The following RNF183 variants were observed in gnomAD, a reference collection of about 807,000 sequenced individuals.
The protein encoded by RNF183 is ring finger protein 183.
Under a neutral mutation model 9.0 loss-of-function variants are expected in RNF183, and 4 were observed. The ratio of observed to expected loss-of-function variants is 0.44; its 90% CI spans 0.22 to 1.01. The LOEUF is 1.01. RNF183 is among the 50% of genes least tolerant of loss of function. The pLI is 0.25. For missense variants in RNF183, 227 were observed against 253.6 expected (o/e 0.89, Z 0.71); for synonymous variants, 102 against 107.5 (o/e 0.95, Z 0.32).
At position 113,298,425 on chromosome 9, in the gene RNF183, G is replaced by A. The variant is rs746652076; in HGVS notation, c.-37-204C>T. 2 of 550,216 alleles carry A rather than the reference G, an allele frequency of 3.6e-6. No individual in the cohort carries two copies. The highest frequency in any genetic ancestry group is 3.2e-6 in the Non-Finnish European group (1 of 310,160). 34.1% of individuals were successfully genotyped at this position (550,216 alleles called of 1,614,324 possible). Reference sequence around the variant, plus strand: ...CAGCCTCCCCTCTGTCAAGGTGAAGGCCTGGGCCACCCCTACCAAGAGCCC... The same window carrying A: ...CAGCCTCCCCTCTGTCAAGGTGAAGACCTGGGCCACCCCTACCAAGAGCCC... On this transcript the variant is annotated intron_variant, in intron 4 of 4. Coordinates refer to ENST00000489339, the MANE Select transcript of RNF183 (RefSeq NM_001371237.1). The surrounding 1 kb of genome is among the most constrained non-coding windows in gnomAD (Gnocchi z 4.9).
chr9:113,297,629 G>T lies in RNF183; in HGVS notation c.556C>A (p.Gln186Lys), dbSNP rs375368937. Reference protein sequence around the residue: ...LLIFSIFWTKQFLWGVG With the variant: ...LLIFSIFWTKKFLWGVG The stretch of plus-strand genomic sequence containing the variant: ...ACTCACCCCACACCCCAAAGGAACT[G>T]CTTGGTCCAAAAGATGGAGAATATG... Residue 186 changes from glutamine to lysine, a missense_variant, in exon 5 of 5, where the codon CAG becomes AAG. Coordinates refer to ENST00000489339, the MANE Select transcript of RNF183 (RefSeq NM_001371237.1). The T allele has an allele frequency of 8.1e-6, 13 of 1,606,008 alleles. No individual in the cohort carries two copies. Among genetic ancestry groups the T allele is most frequent in the African/African-American group, 2.7e-5 (2 of 74,766 alleles).
At chr9:113,301,296 A>G (rs1832911257) in intron 3 of RNF183, among the ~76,000 whole-genome samples, 1 of 152,240 alleles carries the variant, frequency 6.6e-6, no homozygotes, top group African/African-American at 2.4e-5. Context: ...CCTAGATGGT[A>G]GAGCCTGCTA....
In RNF183 at chr9:113,298,026, G is replaced by A; in HGVS notation, c.159C>T (p.Arg53=). The change falls in exon 5 of 5, where the codon CGC becomes CGT. Residue 53 remains arginine (R), a synonymous_variant. Coordinates refer to ENST00000489339, the MANE Select transcript of RNF183 (RefSeq NM_001371237.1). The surrounding 1 kb of genome is among the most constrained non-coding windows in gnomAD (Gnocchi z 4.9). ...HLSLVTPARR[R]LLCPLCRQPT... is the part of the protein sequence containing the mutation. ...GCTGGCGACAGAGTGGGCACAGCAG[G>A]CGGCGCCGGGCTGGAGTCACAAGGC... The A allele has an allele frequency of 6.2e-7, 1 of 1,614,048 alleles. No individual in the cohort carries two copies. Among genetic ancestry groups the A allele is most frequent in the African/African-American group, 1.3e-5 (1 of 75,040 alleles).
rs778803736 is a variant in RNF183, at chr9:113,298,108, G to A, written c.77C>T (p.Thr26Ile). ...CWNPFNNTFH[T>I]PKMLDCCHSF... Reference sequence around the variant, plus strand: ...GTGGCAGCAATCCAGCATTTTGGGGGTATGGAACGTGTTGTTGAAGGGGTT... The same window carrying A: ...GTGGCAGCAATCCAGCATTTTGGGGATATGGAACGTGTTGTTGAAGGGGTT... Residue 26 changes from threonine to isoleucine, a missense_variant, in exon 5 of 5, where the codon ACC (threonine) becomes ATC (isoleucine). By Grantham distance (89) the Thr-to-Ile change is moderately conservative. Coordinates refer to ENST00000489339, the MANE Select transcript of RNF183 (RefSeq NM_001371237.1). The surrounding 1 kb of genome is among the most constrained non-coding windows in gnomAD (Gnocchi z 4.9). 40 of 1,614,110 alleles carry A rather than the reference G, an allele frequency of 2.5e-5. No homozygotes were observed. The highest frequency in any genetic ancestry group is 3.1e-5 in the Non-Finnish European group (37 of 1,180,024).
chr9:113,297,913 A>G lies in RNF183; in HGVS notation c.272T>C (p.Val91Ala), dbSNP rs1832781611. 3 of 1,613,680 alleles carry G rather than the reference A, an allele frequency of 1.9e-6. No individual in the cohort carries two copies. Among genetic ancestry groups the G allele is most frequent in the Admixed American group, 1.7e-5 (1 of 59,998 alleles). ...GCACAGCTGATGGCCTTCCAGGATG[A>G]CATGGTGGGGCTCCAGGCGGAGCAG... ...LALLRLEPHH[V>A]ILEGHQLCLK... Residue 91 changes from valine (V) to alanine (A), a missense_variant, in exon 5 of 5, where the codon GTC becomes GCC. Val to Ala is a moderately conservative substitution (Grantham distance 64). Coordinates refer to ENST00000489339, the MANE Select transcript of RNF183 (RefSeq NM_001371237.1).
intron 3 of RNF183, among the ~76,000 whole-genome samples, 161 bp from the exon 4 acceptor site, chr9:113,299,936 T>C (rs1255404348): frequency 6.6e-6 from 1 of 152,210 alleles, no homozygotes; most frequent in Non-Finnish European, 1.5e-5. Context: ...GAAGGCTGCA[T>C]CCATGCCGTC....
At position 113,303,072 on chromosome 9, in the gene RNF183, G is replaced by A; in HGVS notation, c.-457C>T. The A allele has an allele frequency of 6.5e-6, 1 of 152,752 alleles. No homozygotes were observed. Among genetic ancestry groups the A allele is most frequent in the Non-Finnish European group, 1.5e-5 (1 of 68,378 alleles). The allele number at this position is 152,752 out of a possible 1,614,324, so 9.5% of individuals were successfully genotyped here. Reference sequence around the variant, plus strand: ...TCTCCTTACCTGCTCCCTCGGAGCCGCCTCCTCCGCCTCCGTTCGTGCAGC... The same window carrying A: ...TCTCCTTACCTGCTCCCTCGGAGCCACCTCCTCCGCCTCCGTTCGTGCAGC... On this transcript the variant is annotated 5_prime_UTR_variant, in exon 1 of 5. Transcript: ENST00000489339.
rs1832820431 is a variant in RNF183 at position 113,298,664 on chromosome 9, C to G, written c.-37-443G>C. 6.2e-6 allele frequency: 1 copy of G among 160,570 alleles called. No homozygotes were observed. Among genetic ancestry groups the G allele is most frequent in the African/African-American group, 2.4e-5 (1 of 41,556 alleles). The allele number at this position is 160,570 out of a possible 1,614,324, so 9.9% of individuals were successfully genotyped here. On this transcript the variant is annotated intron_variant, in intron 4 of 4. Transcript: ENST00000489339. This position sits in a 1 kb window ranked among gnomAD's most constrained non-coding sequence, Gnocchi z 4.9. ...AGATGGGTTTTGTGAATTCCCTGGT[C>G]TGTCCCTCCTATGGGGACAAATGCC...
rs1325063079 is a variant in RNF183, at chr9:113,297,895, T to G, written c.290A>C (p.Gln97Pro). 6.2e-7 allele frequency: 1 copy of G among 1,613,712 alleles called. No individual in the cohort carries two copies. The highest frequency in any genetic ancestry group is 1.7e-5 in the Admixed American group (1 of 59,960). The change falls in exon 5 of 5, where the codon CAG (glutamine) becomes CCG (proline). Residue 97 changes from glutamine to proline, a missense_variant. Gln to Pro is a moderately conservative substitution (Grantham distance 76, BLOSUM62 -1). Coordinates refer to ENST00000489339, the MANE Select transcript of RNF183 (RefSeq NM_001371237.1). The part of the protein sequence containing the change: ...EPHHVILEGH[Q>P]LCLKDQPKSR... Reference sequence around the variant, plus strand: ...CTTGGGCTGGTCCTTGAGGCACAGCTGATGGCCTTCCAGGATGACATGGTG... The same window carrying G: ...CTTGGGCTGGTCCTTGAGGCACAGCGGATGGCCTTCCAGGATGACATGGTG...
In RNF183 at chr9:113,298,198, C is replaced by A. The variant is rs751079907; in HGVS notation, c.-14G>T. The A allele has an allele frequency of 6.2e-7, 1 of 1,600,064 alleles. No individual in the cohort carries two copies. The highest frequency in any genetic ancestry group is 8.5e-7 in the Non-Finnish European group (1 of 1,171,202). ...CTGCTCAGCCATCCTCAGCCACACACGGGGAGGCTTCGCGGGAGACGTCCT... is the reference window on the plus strand; with the variant it reads ...CTGCTCAGCCATCCTCAGCCACACAAGGGGAGGCTTCGCGGGAGACGTCCT... On this transcript the variant is annotated 5_prime_UTR_variant, in exon 5 of 5. Transcript: ENST00000489339. The surrounding 1 kb of genome is among the most constrained non-coding windows in gnomAD (Gnocchi z 4.9).
chr9:113,300,399 G>A (rs1186532230), intron 3 of RNF183, among the ~76,000 whole-genome samples: 1 of 152,204 alleles, frequency 6.6e-6, no homozygotes. Context: ...ATGACATTTA[G>A]AGTGTAGTGA....
Position 113,297,148 on chromosome 9 carries a change from C to G in RNF183, c.*458G>C, listed in dbSNP as rs1279672566. 4 of 151,292 alleles carry G rather than the reference C, an allele frequency of 2.6e-5. No individual in the cohort carries two copies. Among genetic ancestry groups the G allele is most frequent in the African/African-American group, 9.7e-5 (4 of 41,152 alleles). The allele number at this position is 151,292 out of a possible 1,614,324, so 9.4% of individuals were successfully genotyped here. On this transcript the variant is annotated 3_prime_UTR_variant, in exon 5 of 5. Transcript: ENST00000489339. ...CAGTGGCAAGACATTCAAAGAGAAACAAACACACATTTACCCACAGAATTG... is the reference window on the plus strand; with the variant it reads ...CAGTGGCAAGACATTCAAAGAGAAAGAAACACACATTTACCCACAGAATTG...
chr9:113,302,562 T>C (rs1382765786), intron 1 of RNF183, among the ~76,000 whole-genome samples: 1 of 152,216 alleles, frequency 6.6e-6, no homozygotes, highest in Admixed American at 6.5e-5. Flanking sequence ...GATAGGTTAC[T>C]AGCCTTTTGG....
chr9:113,299,292 A>C (rs1440025324), intron 4 of RNF183: 1 of 152,274 alleles, frequency 6.6e-6, no homozygotes, highest in Non-Finnish European at 1.5e-5. Flanking sequence ...CAGTCCCTTC[A>C]ACACCTGGAG....
rs1318850778 is a variant in RNF183, at chr9:113,297,509, A to G, written c.*97T>C. The G allele has an allele frequency of 1.3e-6, 1 of 771,608 alleles. No individual in the cohort carries two copies. The allele number at this position is 771,608 out of a possible 1,614,324, so 47.8% of individuals were successfully genotyped here. On this transcript the variant is annotated 3_prime_UTR_variant, in exon 5 of 5. Transcript: ENST00000489339. ...GAACAATCCCTGGATTGTAAAATAAACAACACTACAAAGGAAGACAATACC... is the reference window on the plus strand; with the variant it reads ...GAACAATCCCTGGATTGTAAAATAAGCAACACTACAAAGGAAGACAATACC...
chr9:113,298,747 C>G lies in RNF183; in HGVS notation c.-37-526G>C, dbSNP rs1832823102. ...GGCCAACCCTCCACATCCTACTCAC[C>G]CAGTCCTTGGCCTGGCAAGGAAGCC... On this transcript the variant is annotated intron_variant, in intron 4 of 4. Transcript: ENST00000489339. This position sits in a 1 kb window ranked among gnomAD's most constrained non-coding sequence, Gnocchi z 4.9. The G allele has an allele frequency of 6.5e-6, 1 of 153,114 alleles. No individual in the cohort carries two copies. Among genetic ancestry groups the G allele is most frequent in the Non-Finnish European group, 1.5e-5 (1 of 68,788 alleles). 9.5% of individuals were successfully genotyped at this position (153,114 alleles called of 1,614,324 possible).
intron 3 of RNF183, among the ~76,000 whole-genome samples, chr9:113,300,939 G>C (rs1832898046): frequency 6.6e-6 from 1 of 152,182 alleles, no homozygotes; most frequent in South Asian, 2.1e-4. Flanking sequence ...TGGTGGTGCA[G>C]GTTAGGCAGT....
rs993414232 is a variant in RNF183, at chr9:113,302,323, G to A, written c.-440-10C>T. On this transcript the variant is annotated splice_polypyrimidine_tract_variant and intron_variant, in intron 1 of 4. Coordinates refer to ENST00000489339, the MANE Select transcript of RNF183 (RefSeq NM_001371237.1). ...GCTGTTTCAGGATCAGCTGGGGAGAGATTCTGGCCATGTATCACCTCCACC... is the reference window on the plus strand; with the variant it reads ...GCTGTTTCAGGATCAGCTGGGGAGAAATTCTGGCCATGTATCACCTCCACC... 11 of 152,166 alleles carry A rather than the reference G, an allele frequency of 7.2e-5. No individual in the cohort carries two copies. Among genetic ancestry groups the A allele is most frequent in the Admixed American group, 6.5e-4 (10 of 15,284 alleles). 9.4% of individuals were successfully genotyped at this position (152,166 alleles called of 1,614,324 possible).
Position 113,297,794 on chromosome 9 carries a change from G to C in RNF183, c.391C>G (p.Pro131Ala). The C allele has an allele frequency of 6.2e-7, 1 of 1,612,360 alleles. No homozygotes were observed. The highest frequency in any genetic ancestry group is 8.5e-7 in the Non-Finnish European group (1 of 1,178,998). The change falls in exon 5 of 5, where the codon CCC becomes GCC. Residue 131 changes from proline to alanine, a missense_variant. Physicochemically the swap from Pro to Ala is conservative, Grantham distance 27 (BLOSUM62 -1). Coordinates refer to ENST00000489339, the MANE Select transcript of RNF183 (RefSeq NM_001371237.1). ...ACGGTGGCAGAGGCCGTGTCTGGGG[G>C]CGGCCCAGTCTGGCCCCCAGGCTGG... is the stretch of plus-strand genomic sequence containing the variant. Reference protein sequence around the residue: ...GPQPGGQTGPPPDTASATVST... With the variant: ...GPQPGGQTGPAPDTASATVST...
Sources: gnomAD v4.1 joint callset for allele counts (sites outside exome capture counted in the v4.1 genomes callset) on GRCh38, gnomAD v4.1.1 for gene constraint, Gnocchi (gnomAD v3.1) non-coding constraint, MANE v1.5 for transcripts, NCBI Gene and HGNC (gene_info 2026-07-23, HGNC 2026-07-21) for gene names.